Variants in MTO1 observed in about 807,000 individuals in gnomAD.
The protein encoded by MTO1 is mitochondrial tRNA translation optimization 1, also known as 5-taurinomethyluridine-[tRNA] synthase subunit MTO1, mitochondrial.
MTO1 carries 46 observed loss-of-function variants against 71.6 expected under a neutral mutation model. The ratio of observed to expected loss-of-function variants is 0.64; its 90% CI spans 0.51 to 0.82. MTO1 has a LOEUF of 0.82. MTO1 is among the 40% of genes least tolerant of loss of function. The probability of loss-of-function intolerance (pLI) is 0.00; values close to 1 mark genes in which losing one functional copy is unlikely to be tolerated. For synonymous variants in MTO1, 297 were observed against 312.1 expected (o/e 0.95, Z 0.51); for missense variants, 773 against 867.5 (o/e 0.89, Z 1.37).
At chr6:73,479,705 G>T in intron 4 of MTO1, 27 bp from the exon 5 acceptor site, 2 of 1,540,988 alleles carry the variant, frequency 1.3e-6, no homozygotes, top group Non-Finnish European at 1.8e-6. Flanking sequence ...AAGCAAATCA[G>T]TATTGCATCT....
At position 73,502,160 on chromosome 6, in the gene MTO1, G is replaced by A. The variant is rs756829975; in HGVS notation, c.*1425G>A. 1 of 152,134 alleles carries A rather than the reference G, an allele frequency of 6.6e-6. No homozygotes were observed. The highest frequency in any genetic ancestry group is 1.5e-5 in the Non-Finnish European group (1 of 68,028). The allele number at this position is 152,134 out of a possible 1,614,324, so 9.4% of individuals were successfully genotyped here. On this transcript the variant is annotated 3_prime_UTR_variant, in exon 12 of 12. Transcript: ENST00000498286. The stretch of plus-strand genomic sequence containing the variant: ...CCACATTGTGTATATATTTTGAAAA[G>A]AGGCTGGTTGCAGCAGCTCACGCCT...
chr6:73,482,045 G>A lies in MTO1; in HGVS notation c.1266G>A (p.Val422=), dbSNP rs755631312. 6.2e-7 allele frequency: 1 copy of A among 1,614,126 alleles called. No individual in the cohort carries two copies. The highest frequency in any genetic ancestry group is 1.1e-5 in the South Asian group (1 of 91,078). ...ACATTTCAGTGCTCTTGTAGGGTGT[G>A]ATAGCCGGAATCAACGCCAGTCTTC... is the stretch of plus-strand genomic sequence containing the variant. ...TGYEEAAAQG[V]IAGINASLRV... is the part of the protein sequence containing the mutation. The change falls in exon 8 of 12, where the codon GTG becomes GTA. Residue 422 remains valine (V), a synonymous_variant. Transcript: ENST00000498286.
At chr6:73,464,659 T>TA (rs765324304) in intron 1 of MTO1, among the ~76,000 whole-genome samples, 1,888 of 113,842 alleles carry the variant, frequency 0.017, 29 homozygotes, top group African/African-American at 0.04. Context: ...CAATAAATAC[T>TA]AAAAAAAAAA....
rs555451988 is a variant in MTO1 at position 73,468,848 on chromosome 6, T to A, written c.535+2242T>A. Among the ~76,000 whole-genome samples the A allele has an allele frequency of 5.3e-5, 8 of 152,204 alleles. No homozygotes were observed. The East Asian group carries it at 1.5e-3, about 29-fold the overall frequency. On this transcript the variant is annotated intron_variant, in intron 3 of 11. Transcript: ENST00000498286. Reference sequence around the variant, plus strand: ...GTCTTGAACTCCTGACCTCAAGTGATCCGCCTACCTCCACCTCCCAAAGTG... The same window carrying A: ...GTCTTGAACTCCTGACCTCAAGTGAACCGCCTACCTCCACCTCCCAAAGTG...
At chr6:73,484,517 T>C (rs1026487451) in intron 9 of MTO1, among the ~76,000 whole-genome samples, 2 of 152,002 alleles carry the variant, frequency 1.3e-5, no homozygotes, top group Non-Finnish European at 2.9e-5. Context: ...AATCACCTCC[T>C]AAGGGCCCCA....
intron 1 of MTO1, among the ~76,000 whole-genome samples, chr6:73,462,752 TAAAA>T (rs1363717076): frequency 6.6e-6 from 1 of 151,938 alleles, no homozygotes; most frequent in South Asian, 2.1e-4. Flanking sequence ...ATTAATAAAA[TAAAA>T]AAATCCTTTA....
rs1403769450 is a variant in MTO1 at position 73,466,198 on chromosome 6, A to G, written c.218-11A>G. 2 of 1,603,948 alleles carry G rather than the reference A, an allele frequency of 1.2e-6. No individual in the cohort carries two copies. The highest frequency in any genetic ancestry group is 1.1e-5 in the South Asian group (1 of 90,824). On this transcript the variant is annotated splice_polypyrimidine_tract_variant and intron_variant, in intron 1 of 11. Coordinates refer to ENST00000498286, the MANE Select transcript of MTO1 (RefSeq NM_012123.4). ...TCATATATTTATTTTGTTTATGTCT[A>G]TTATCTTTAGGTCAGATGTCATGTA...
At chr6:73,467,728 T>C (rs1158399094) in intron 3 of MTO1, among the ~76,000 whole-genome samples, 2 of 152,172 alleles carry the variant, frequency 1.3e-5, no homozygotes, top group East Asian at 1.9e-4. Context: ...TTGTCACTTA[T>C]TGTATATACT....
At chr6:73,473,329 T>C (rs1456853885) in intron 3 of MTO1, 36 bp from the exon 4 acceptor site, 1 of 1,551,092 alleles carries the variant, frequency 6.4e-7, no homozygotes, top group Non-Finnish European at 8.8e-7. Flanking sequence ...CATAGATACA[T>C]AGATAATGAC....
Position 73,508,791 on chromosome 6 carries a change from A to G in MTO1, c.*8056A>G, listed in dbSNP as rs1772352022. ...ATGTTTACTGGGTTGCTAGTTATAT[A>G]TAGAATCCTGCAAGAGGCTCAACAG... On this transcript the variant is annotated 3_prime_UTR_variant, in exon 12 of 12. Coordinates refer to ENST00000498286, the MANE Select transcript of MTO1 (RefSeq NM_012123.4). 1 of 152,252 alleles carries G rather than the reference A, an allele frequency of 6.6e-6. No homozygotes were observed. Among genetic ancestry groups the G allele is most frequent in the East Asian group, 1.9e-4 (1 of 5,202 alleles). 9.4% of individuals were successfully genotyped at this position (152,252 alleles called of 1,614,324 possible).
intron 11 of MTO1, among the ~76,000 whole-genome samples, chr6:73,498,386 A>G (rs375042799): frequency 1.3e-5 from 2 of 151,232 alleles, no homozygotes; most frequent in Admixed American, 6.7e-5. Flanking sequence ...AGAGCAAACT[A>G]TGCAAGATAG....
chr6:73,484,428 G>C (rs958402889), intron 9 of MTO1, among the ~76,000 whole-genome samples: 2 of 152,036 alleles, frequency 1.3e-5, no homozygotes, highest in African/African-American at 4.8e-5. Context: ...TTCTCACATA[G>C]CAAAAGGGCA....
chr6:73,479,766 C>T lies in MTO1; in HGVS notation c.860C>T (p.Thr287Ile). 1.2e-6 allele frequency: 2 copies of T among 1,613,830 alleles called. No homozygotes were observed. The highest frequency in any genetic ancestry group is 1.7e-6 in the Non-Finnish European group (2 of 1,179,942). The change falls in exon 5 of 12, where the codon ACC (threonine) becomes ATC (isoleucine). Residue 287 changes from threonine to isoleucine, a missense_variant. Thr to Ile is a moderately conservative substitution (Grantham distance 89, BLOSUM62 -1). Transcript: ENST00000498286. ...EDQLPCYLTH[T>I]NPRVDEIVLK... ...CAGCTGCCATGTTACTTGACTCACA[C>T]CAACCCTAGAGTGGATGAGATTGTC... is the stretch of plus-strand genomic sequence containing the variant.
rs1424639380 is a variant in MTO1 at position 73,480,312 on chromosome 6, G to A, written c.1129+186G>A. 4.0e-6 allele frequency: 3 copies of A among 758,952 alleles called. No homozygotes were observed. The East Asian group carries it at 8.2e-5, about 21-fold the overall frequency. The allele number at this position is 758,952 out of a possible 1,614,324, so 47.0% of individuals were successfully genotyped here. A position where few individuals can be genotyped will look rare whatever the true frequency, so the allele number is the denominator to read the frequency against. ...TTTGAGACGGAGTTTTGCTCTTGTT[G>A]CCCAGGATGGAGTGCAATGGTGCGA... is the stretch of plus-strand genomic sequence containing the variant. On this transcript the variant is annotated intron_variant, in intron 6 of 11. Transcript: ENST00000498286.
rs895565686 is a variant in MTO1, at chr6:73,462,404, A to G, written c.217+333A>G. 89 of 353,972 alleles carry G rather than the reference A, an allele frequency of 2.5e-4. 1 individual carries two copies. The Admixed American group carries it at 3.8e-3, about 15-fold the overall frequency. The allele number at this position is 353,972 out of a possible 1,614,324, so 21.9% of individuals were successfully genotyped here. On this transcript the variant is annotated intron_variant, in intron 1 of 11. Transcript: ENST00000498286. ...TGCTGCGTTTACCTTCTACTATGTT[A>G]CTCCAGATAAAGGGTGAATTAACAT...
In MTO1 at chr6:73,482,068, T is replaced by G. The variant is rs768683893; in HGVS notation, c.1289T>G (p.Leu430Arg). The change falls in exon 8 of 12, where the codon CTT (leucine) becomes CGT (arginine). Residue 430 changes from leucine (L) to arginine (R), a missense_variant. Leu to Arg is a moderately radical substitution (Grantham distance 102, BLOSUM62 -2). Transcript: ENST00000498286. ...GTGATAGCCGGAATCAACGCCAGTCTTCGGGTCAGTCGCAAGCCTCCCTTT... is the reference window on the plus strand; with the variant it reads ...GTGATAGCCGGAATCAACGCCAGTCGTCGGGTCAGTCGCAAGCCTCCCTTT... ...QGVIAGINASLRVSRKPPFVV... is the reference protein window; with the variant it reads ...QGVIAGINASRRVSRKPPFVV... 6.2e-7 allele frequency: 1 copy of G among 1,614,188 alleles called. No homozygotes were observed. Among genetic ancestry groups the G allele is most frequent in the Admixed American group, 1.7e-5 (1 of 59,998 alleles).
At chr6:73,486,445 A>G (rs1771655441) in intron 9 of MTO1, among the ~76,000 whole-genome samples, 1 of 152,024 alleles carries the variant, frequency 6.6e-6, no homozygotes, top group Non-Finnish European at 1.5e-5. Context: ...GACTAGAATC[A>G]TACAGTATGT....
intron 9 of MTO1, among the ~76,000 whole-genome samples, chr6:73,489,669 T>G (rs1771752014): frequency 2.0e-5 from 3 of 152,194 alleles, no homozygotes; most frequent in African/African-American, 4.8e-5. Context: ...GCACATTTTC[T>G]TAATCCAGTC....
At chr6:73,493,903 ATTTTT>A (rs1359990283) in intron 10 of MTO1, among the ~76,000 whole-genome samples, 1 of 152,006 alleles carries the variant, frequency 6.6e-6, no homozygotes, top group Non-Finnish European at 1.5e-5. Flanking sequence ...GTTGCTCTGC[ATTTTT>A]TTAAGTTTTT....
Sources: gnomAD v4.1 joint callset for allele counts (sites outside exome capture counted in the v4.1 genomes callset) on GRCh38, gnomAD v4.1.1 for gene constraint, MANE v1.5 for transcripts, NCBI Gene and HGNC (gene_info 2026-07-23, HGNC 2026-07-21) for gene names.